GABRA3: variants seen among roughly 807,000 people sequenced by gnomAD.
The protein encoded by GABRA3 is gamma-aminobutyric acid type A receptor subunit alpha3, also known as gamma-aminobutyric acid receptor subunit alpha-3.
In GABRA3, 10 loss-of-function variants were observed where a neutral mutation model predicts 30.1. The ratio of observed to expected loss-of-function variants is 0.33; its 90% confidence interval spans 0.20 to 0.56. GABRA3 has a LOEUF of 0.56. Among genes scored for constraint, GABRA3 ranks in the 20% least tolerant of loss-of-function variants. The pLI, the probability that GABRA3 is intolerant of heterozygous loss-of-function variation, is 0.89. For missense variants in GABRA3, 233 were observed against 392.0 expected (o/e 0.59, Z 3.42); for synonymous variants, 151 against 146.8 (o/e 1.03, Z -0.21).
chrX:152,264,754 A>G (rs983654804), intron 4 of GABRA3, among the ~76,000 whole-genome samples: 7 of 111,266 alleles, frequency 6.3e-5, no homozygotes, highest in African/African-American at 2.3e-4. Flanking sequence ...AAAGAAACAC[A>G]CCTCACCTTT....
chrX:152,261,290 T>A (rs1182351604), intron 4 of GABRA3, among the ~76,000 whole-genome samples: 1 of 111,469 alleles, frequency 9.0e-6, no homozygotes, highest in Non-Finnish European at 1.9e-5. Context: ...AAATTTAATA[T>A]CCTCACATTT....
intron 1 of GABRA3, among the ~76,000 whole-genome samples, chrX:152,385,587 T>C (rs1603252101): frequency 1.8e-5 from 2 of 112,083 alleles, no homozygotes; most frequent in Admixed American, 1.9e-4. Flanking sequence ...GCAGAAGCTC[T>C]TTAGTGTAAT....
At chrX:152,279,729 C>T (rs1261361329) in intron 4 of GABRA3, among the ~76,000 whole-genome samples, 4 of 111,698 alleles carry the variant, frequency 3.6e-5, no homozygotes, top group Non-Finnish European at 7.5e-5. Flanking sequence ...GATATTGATT[C>T]TTCCTACCCA....
chrX:152,394,441 G>A (rs1352015366), intron 1 of GABRA3: 6 of 385,684 alleles, frequency 1.6e-5, no homozygotes, highest in East Asian at 7.5e-5. Context: ...TCAAACATCC[G>A]TGGTGCATAA....
At chrX:152,237,877 T>G (rs1325129259) in intron 5 of GABRA3, among the ~76,000 whole-genome samples, 1 of 110,287 alleles carries the variant, frequency 9.1e-6, no homozygotes, top group Non-Finnish European at 1.9e-5. Context: ...GCTTATCAGC[T>G]TAAGGATATT....
At chrX:152,227,803 A>G (rs1475235909) in intron 5 of GABRA3, among the ~76,000 whole-genome samples, 1 of 110,150 alleles carries the variant, frequency 9.1e-6, no homozygotes, top group Non-Finnish European at 1.9e-5. Flanking sequence ...TGTTAAAGTG[A>G]GTTTCTCAAG....
chrX:152,315,022 T>TCGGG (rs1295108378), intron 3 of GABRA3, among the ~76,000 whole-genome samples: 1 of 111,150 alleles, frequency 9.0e-6, no homozygotes, highest in Non-Finnish European at 1.9e-5. Context: ...CAGTTCCCAC[T>TCGGG]CGGGCAGACA....
intron 2 of GABRA3, among the ~76,000 whole-genome samples, chrX:152,354,993 C>A (rs1292286971): frequency 1.8e-5 from 2 of 111,663 alleles, no homozygotes; most frequent in Non-Finnish European, 3.8e-5. Context: ...CCACAGGTGA[C>A]AGTTTATTCT....
chrX:152,243,288 T>C (rs1043081461), intron 5 of GABRA3, among the ~76,000 whole-genome samples: 1 of 111,655 alleles, frequency 9.0e-6, no homozygotes, highest in Non-Finnish European at 1.9e-5. Context: ...ATGGTGAGTA[T>C]AGTTAATAAC....
At chrX:152,181,222 A>G (rs1293013439) in intron 9 of GABRA3, among the ~76,000 whole-genome samples, 1 of 111,491 alleles carries the variant, frequency 9.0e-6, no homozygotes. Context: ...TTGGTATTTT[A>G]TAGGTTTAGT....
chrX:152,233,936 T>A (rs1465338743), intron 5 of GABRA3, among the ~76,000 whole-genome samples: 1 of 106,292 alleles, frequency 9.4e-6, no homozygotes, highest in Non-Finnish European at 1.9e-5. Flanking sequence ...CTCAGTAAAC[T>A]ATTGCAAGCA....
intron 1 of GABRA3, among the ~76,000 whole-genome samples, chrX:152,403,168 C>A (rs1298560770): frequency 9.1e-6 from 1 of 109,377 alleles, no homozygotes; most frequent in Non-Finnish European, 1.9e-5. Context: ...AATTTCTGGC[C>A]AATGAATTAA....
At chrX:152,403,457 C>T (rs1181295527) in intron 1 of GABRA3, among the ~76,000 whole-genome samples, 1 of 110,298 alleles carries the variant, frequency 9.1e-6, no homozygotes, top group Non-Finnish European at 1.9e-5. Context: ...CTGCTTATGG[C>T]TATAATGGAC....
At chrX:152,219,124 A>G (rs1236528462) in intron 6 of GABRA3, among the ~76,000 whole-genome samples, 1 of 111,194 alleles carries the variant, frequency 9.0e-6, no homozygotes, top group Non-Finnish European at 1.9e-5. Context: ...TCTAGCTTCT[A>G]AATGTTATCA....
chrX:152,378,200 A>T (rs1929046472), intron 1 of GABRA3, among the ~76,000 whole-genome samples: 1 of 112,038 alleles, frequency 8.9e-6, no homozygotes. Flanking sequence ...ATTGGTCGGT[A>T]TACAGAGAAA....
chrX:152,374,544 G>T (rs187515879), intron 1 of GABRA3, among the ~76,000 whole-genome samples: 148 of 109,666 alleles, frequency 1.3e-3, no homozygotes, highest in African/African-American at 4.8e-3. Context: ...TAGAGATAGG[G>T]TTTCACTGTG....
intron 4 of GABRA3, among the ~76,000 whole-genome samples, chrX:152,281,549 T>C (rs2044953596): frequency 8.9e-6 from 1 of 111,945 alleles, no homozygotes; most frequent in South Asian, 3.7e-4. Context: ...TTCTTTTTTT[T>C]CCCTCTGACT....
chrX:152,298,400 G>A (rs1939571004), intron 3 of GABRA3, among the ~76,000 whole-genome samples: 1 of 103,393 alleles, frequency 9.7e-6, no homozygotes. Flanking sequence ...ACAGGCCCCG[G>A]TGTGTGATGT....
intron 4 of GABRA3, among the ~76,000 whole-genome samples, chrX:152,256,980 A>G (rs73621197): frequency 0.011 from 1,223 of 111,636 alleles, 25 homozygotes; most frequent in African/African-American, 0.038. Flanking sequence ...AAAGTAAGAG[A>G]ATCCCAGAAG....
Sources: allele counts gnomAD v4.1 joint callset (sites outside exome capture counted in the v4.1 genomes callset), GRCh38; gene constraint gnomAD v4.1.1; transcripts MANE v1.5; gene names NCBI Gene and HGNC (gene_info 2026-07-23, HGNC 2026-07-21).